KIAA1217: variants seen among roughly 807,000 people sequenced by gnomAD.
KIAA1217 encodes sickle tail protein homolog.
In KIAA1217, 88 loss-of-function variants were observed where a neutral mutation model predicts 163.9. That is an observed-to-expected ratio of 0.54 (90% CI 0.45 to 0.64). The LOEUF is 0.64. Ranked by LOEUF, KIAA1217 falls within the 30% of genes least tolerant of loss-of-function variation. KIAA1217 has a pLI of 0.00. For synonymous variants in KIAA1217, 903 were observed against 923.1 expected (o/e 0.98, Z 0.39); for missense variants, 2,372 against 2,475.0 (o/e 0.96, Z 0.88).
chr10:24,545,933 C>T lies in KIAA1217; in HGVS notation c.5441C>T (p.Ser1814Phe). 1 of 1,614,186 alleles carries T rather than the reference C, an allele frequency of 6.2e-7. No homozygotes were observed. Among genetic ancestry groups the T allele is most frequent in the Non-Finnish European group, 8.5e-7 (1 of 1,180,046 alleles). Residue 1814 changes from serine to phenylalanine, a missense_variant, in exon 21 of 21, where the codon TCT (serine) becomes TTT (phenylalanine). This residue lies in a region of KIAA1217 where 690 missense variants were observed against 677.5 expected (regional missense o/e 1.02). Coordinates refer to ENST00000376454, the MANE Select transcript of KIAA1217 (RefSeq NM_019590.5). ...TCTCCCAGCTCTGGGAAAAGCAGTTCTCTGCCCTCTTCTAGTGGTGACAGC... is the reference window on the plus strand; with the variant it reads ...TCTCCCAGCTCTGGGAAAAGCAGTTTTCTGCCCTCTTCTAGTGGTGACAGC... ...ALSPSSGKSS[S>F]LPSSSGDSSN... is the part of the protein sequence containing the mutation.
At chr10:24,126,098 T>C (rs535709518) in intron 2 of KIAA1217, among the ~76,000 whole-genome samples, 1 of 152,354 alleles carries the variant, frequency 6.6e-6, no homozygotes, top group South Asian at 2.1e-4. Context: ...TGTATAGGCA[T>C]ATATCATTAA....
At chr10:24,085,078 T>A (rs2061654792) in intron 2 of KIAA1217, among the ~76,000 whole-genome samples, 1 of 151,992 alleles carries the variant, frequency 6.6e-6, no homozygotes, top group Non-Finnish European at 1.5e-5. Flanking sequence ...CACGCTCGGC[T>A]AATTTTTTTG....
At chr10:23,803,453 A>G (rs1836572334) in intron 1 of KIAA1217, among the ~76,000 whole-genome samples, 1 of 152,214 alleles carries the variant, frequency 6.6e-6, no homozygotes, top group African/African-American at 2.4e-5. Context: ...AATCTGGGAC[A>G]TCTCTGAAAG....
rs141352524 is a variant in KIAA1217 at position 24,543,161 on chromosome 10, G to C, written c.3891G>C (p.Glu1297Asp). The stretch of plus-strand genomic sequence containing the variant: ...TGCAATACTCTATACCTGACACCGA[G>C]AACCAGACGCTGAATTACGGAAAGA... ...SGLQYSIPDT[E>D]NQTLNYGKTK... The change falls in exon 19 of 21, where the codon GAG becomes GAC. Residue 1297 changes from glutamate to aspartate, a missense_variant. This residue lies in a region of KIAA1217 where 251 missense variants were observed against 327.3 expected (regional missense o/e 0.77). Transcript: ENST00000376454. 685 of 1,613,584 alleles carry C rather than the reference G, an allele frequency of 4.2e-4. 1 individual carries two copies. Among genetic ancestry groups the C allele is most frequent in the Non-Finnish European group, 5.2e-4 (619 of 1,179,994 alleles).
intron 2 of KIAA1217, among the ~76,000 whole-genome samples, chr10:24,088,256 C>CATACATATATATATATATATAT (rs1554861322): frequency 1.0e-5 from 1 of 95,852 alleles, no homozygotes; most frequent in African/African-American, 3.4e-5. Flanking sequence ...TTTTAATATA[C>CATACATATATATATATATATAT]ATATATATAT....
intron 1 of KIAA1217, among the ~76,000 whole-genome samples, chr10:23,981,405 C>T (rs1845760000): frequency 6.6e-6 from 1 of 152,112 alleles, no homozygotes; most frequent in Non-Finnish European, 1.5e-5. Context: ...ATCTCACAGT[C>T]TTTGTTCAAC....
At chr10:24,072,896 A>G (rs1449526912) in intron 2 of KIAA1217, among the ~76,000 whole-genome samples, 1 of 152,056 alleles carries the variant, frequency 6.6e-6, no homozygotes, top group East Asian at 1.9e-4. Flanking sequence ...CCATCTCTAC[A>G]GAAATACAAA....
intron 2 of KIAA1217, among the ~76,000 whole-genome samples, chr10:24,365,197 T>C (rs532566565): frequency 6.6e-6 from 1 of 152,244 alleles, no homozygotes; most frequent in East Asian, 1.9e-4. Flanking sequence ...TCATTTTCTT[T>C]GTTGTAAGTT....
intron 2 of KIAA1217, among the ~76,000 whole-genome samples, chr10:24,093,460 C>A (rs1399414577): frequency 6.6e-6 from 1 of 151,574 alleles, no homozygotes; most frequent in African/African-American, 2.4e-5. Context: ...GTGTGAGCCA[C>A]CACTCTCGGC....
intron 1 of KIAA1217, among the ~76,000 whole-genome samples, chr10:23,739,567 G>T (rs889209363): frequency 2.6e-5 from 4 of 152,140 alleles, no homozygotes; most frequent in African/African-American, 9.7e-5. Flanking sequence ...GAGGGACAAG[G>T]GATGAGGTCC....
In KIAA1217 at chr10:23,856,857, A is replaced by G. The variant is rs112975003; in HGVS notation, c.-320-150368A>G. Among the ~76,000 whole-genome samples the G allele has an allele frequency of 4.6e-4, 70 of 152,292 alleles. 1 individual carries two copies. The East Asian group carries it at 0.011, about 24-fold the overall frequency. On this transcript the variant is annotated intron_variant, in intron 1 of 18. Coordinates refer to the KIAA1217 transcript ENST00000376462. ...TCCTGGTGCGCCTTTTTTTAAGCCC[A>G]TCGGAAAAGCGCAGTATTAGGGTGG...
At chr10:24,094,680 G>A (rs1226149293) in intron 2 of KIAA1217, among the ~76,000 whole-genome samples, 1 of 152,198 alleles carries the variant, frequency 6.6e-6, no homozygotes, top group Non-Finnish European at 1.5e-5. Context: ...CGGGGGTCAG[G>A]GGTCAGGGAC....
intron 9 of KIAA1217, among the ~76,000 whole-genome samples, chr10:24,512,383 G>A (rs1235429368): frequency 6.6e-6 from 1 of 152,198 alleles, no homozygotes; most frequent in African/African-American, 2.4e-5. Flanking sequence ...GAGGCTGATT[G>A]AGTGAATTCA....
At chr10:24,158,146 A>C (rs2064962715) in intron 2 of KIAA1217, 2 of 751,908 alleles carry the variant, frequency 2.7e-6, no homozygotes, top group African/African-American at 1.7e-5. Flanking sequence ...TTGGATCAAC[A>C]CCTTTAACTT....
At chr10:24,435,622 A>G (rs1194300130) in intron 4 of KIAA1217, among the ~76,000 whole-genome samples, 2 of 152,098 alleles carry the variant, frequency 1.3e-5, no homozygotes, top group Admixed American at 1.3e-4. Flanking sequence ...ATGAGTCACC[A>G]TTTTCTAGAG....
intron 2 of KIAA1217, among the ~76,000 whole-genome samples, chr10:24,084,856 T>G (rs1464079032): frequency 6.6e-6 from 1 of 152,124 alleles, no homozygotes; most frequent in East Asian, 1.9e-4. Flanking sequence ...GAACTATTTT[T>G]ATTACTATCT....
chr10:24,280,809 CAAA>C (rs71281596), intron 2 of KIAA1217, among the ~76,000 whole-genome samples: 17 of 106,256 alleles, frequency 1.6e-4, no homozygotes, highest in Admixed American at 2.2e-4. Context: ...GACTCCGTCT[CAAA>C]AAAAAAAAAA....
intron 1 of KIAA1217, among the ~76,000 whole-genome samples, chr10:23,738,829 CAA>C (rs5783861): frequency 1.3e-5 from 2 of 151,512 alleles, no homozygotes; most frequent in Non-Finnish European, 1.5e-5. Flanking sequence ...ACAAAACAGG[CAA>C]AAAAAGTCCC....
At chr10:23,769,010 GC>G (rs1834673394) in intron 1 of KIAA1217, among the ~76,000 whole-genome samples, 1 of 152,188 alleles carries the variant, frequency 6.6e-6, no homozygotes, top group African/African-American at 2.4e-5. Flanking sequence ...CTTGCCTGCT[GC>G]CTAGACAGAG....
Sources: allele counts gnomAD v4.1 joint callset (sites outside exome capture counted in the v4.1 genomes callset), GRCh38; gene constraint gnomAD v4.1.1; regional missense constraint gnomAD v4.1.1; transcripts MANE v1.5; gene names NCBI Gene and HGNC (gene_info 2026-07-23, HGNC 2026-07-21).